Variants in CPNE2 observed in about 807,000 individuals in gnomAD.
CPNE2 encodes the protein copine-2.
Under a neutral mutation model 69.7 loss-of-function variants are expected in CPNE2, and 42 were observed. The ratio of observed to expected loss-of-function variants is 0.60; its 90% CI spans 0.47 to 0.78. The LOEUF (loss-of-function observed/expected upper bound fraction) is 0.78. Among genes scored for constraint, CPNE2 ranks in the 30% least tolerant of loss-of-function variants. CPNE2 has a pLI of 0.00. For synonymous variants in CPNE2, 294 were observed against 289.8 expected, an observed-to-expected ratio of 1.01 and a Z score of -0.15; for missense variants, 587 against 732.0, an observed-to-expected ratio of 0.80 and a Z score of 2.29.
At chr16:57,106,600 C>A (rs1000780344) in intron 1 of CPNE2, among the ~76,000 whole-genome samples, 2 of 152,138 alleles carry the variant, frequency 1.3e-5, no homozygotes, top group South Asian at 2.1e-4. Context: ...GTGCCTGACA[C>A]CCTCAGGATG....
chr16:57,138,265 A>G (rs2069897409), intron 14 of CPNE2, among the ~76,000 whole-genome samples: 1 of 152,014 alleles, frequency 6.6e-6, no homozygotes, highest in Non-Finnish European at 1.5e-5. Context: ...TCACTTCTAG[A>G]GTGTTCATTT....
rs776961809 is a variant in CPNE2 at position 57,121,730 on chromosome 16, C to T, written c.837C>T (p.Asn279=). 8 of 1,614,178 alleles carry T rather than the reference C, an allele frequency of 5.0e-6. No individual in the cohort carries two copies. The Admixed American group carries it at 1.3e-4, about 27-fold the overall frequency. Residue 279 remains asparagine (N), a synonymous_variant, in exon 9 of 16, where the codon AAC becomes AAT. Transcript: ENST00000290776. ...KKQRKKKNYK[N]SGIIILRSCK... Reference sequence around the variant, plus strand: ...AGAGGAAGAAGAAGAACTATAAAAACTCGGGCATCATCATCCTGCGATCCT... The same window carrying T: ...AGAGGAAGAAGAAGAACTATAAAAATTCGGGCATCATCATCCTGCGATCCT...
At chr16:57,114,725 A>G (rs2069705399) in intron 3 of CPNE2, among the ~76,000 whole-genome samples, 1 of 152,062 alleles carries the variant, frequency 6.6e-6, no homozygotes, top group Admixed American at 6.5e-5. Flanking sequence ...TGACTTTGCA[A>G]TGTGGCCCAC....
chr16:57,120,076 C>G (rs189907455), intron 7 of CPNE2, among the ~76,000 whole-genome samples: 77 of 151,996 alleles, frequency 5.1e-4, no homozygotes, highest in South Asian at 2.3e-3. Context: ...AGTTCAAGAC[C>G]AGCCTGGCCA....
intron 10 of CPNE2, 161 bp downstream of exon 10, chr16:57,123,634 G>A: frequency 2.8e-6 from 2 of 726,240 alleles, no homozygotes; most frequent in South Asian, 3.4e-5. Flanking sequence ...GGCATAAGTG[G>A]GCTGTCTGGT....
intron 10 of CPNE2, chr16:57,124,370 C>G: frequency 6.6e-6 from 3 of 456,440 alleles, no homozygotes; most frequent in South Asian, 4.7e-5. Context: ...GCATGAGTCA[C>G]TGGGCCTGGC....
At chr16:57,129,680 G>A (rs998546472) in intron 12 of CPNE2, among the ~76,000 whole-genome samples, 2 of 152,214 alleles carry the variant, frequency 1.3e-5, no homozygotes, top group Admixed American at 6.5e-5. Context: ...TTAGCCCAGC[G>A]TGGTGGCACA....
At chr16:57,129,876 G>A (rs1042814573) in intron 12 of CPNE2, among the ~76,000 whole-genome samples, 1 of 152,192 alleles carries the variant, frequency 6.6e-6, no homozygotes. Flanking sequence ...GAGACAGAGA[G>A]AGACCTGGCC....
At chr16:57,126,629 T>C (rs2069803295) in intron 11 of CPNE2, among the ~76,000 whole-genome samples, 1 of 152,154 alleles carries the variant, frequency 6.6e-6, no homozygotes, top group Non-Finnish European at 1.5e-5. Context: ...GAGGATGGAA[T>C]GACCAGGAGG....
chr16:57,120,418 G>A (rs965527360), intron 7 of CPNE2, among the ~76,000 whole-genome samples: 2 of 150,370 alleles, frequency 1.3e-5, no homozygotes, highest in South Asian at 2.1e-4. Flanking sequence ...ACCCTCTCAC[G>A]GTCTTTAGTA....
In CPNE2 at chr16:57,146,378, C is replaced by A. The variant is rs765132318; in HGVS notation, c.1539+57C>A. The stretch of plus-strand genomic sequence containing the variant: ...TTACAGGATCCCAGCCACCATAGCT[C>A]ATAATCAAGCTTGAGAGTCTTGGGG... On this transcript the variant is annotated intron_variant, in intron 15 of 15. Coordinates refer to ENST00000290776, the MANE Select transcript of CPNE2 (RefSeq NM_152727.6). The surrounding 1 kb of genome is among the most constrained non-coding windows in gnomAD (Gnocchi z 4.4). 7.2e-7 allele frequency: 1 copy of A among 1,394,020 alleles called. No individual in the cohort carries two copies. The highest frequency in any genetic ancestry group is 9.8e-7 in the Non-Finnish European group (1 of 1,020,574). 86.4% of individuals were successfully genotyped at this position (1,394,020 alleles called of 1,614,324 possible).
intron 11 of CPNE2, 42 bp from the exon 12 acceptor site, chr16:57,127,807 C>T (rs2069811243): frequency 1.2e-6 from 2 of 1,605,002 alleles, no homozygotes; most frequent in Non-Finnish European, 1.7e-6. Flanking sequence ...GGGTGGTGTC[C>T]TCAGGTGTCT....
At chr16:57,103,182 G>A (rs1365843257) in intron 1 of CPNE2, among the ~76,000 whole-genome samples, 2 of 152,144 alleles carry the variant, frequency 1.3e-5, no homozygotes, top group Non-Finnish European at 2.9e-5. Flanking sequence ...GAGCGCAGTG[G>A]CACAATCACA....
intron 11 of CPNE2, 104 bp downstream of exon 11, chr16:57,126,097 A>G: frequency 7.0e-7 from 1 of 1,423,582 alleles, no homozygotes; most frequent in South Asian, 1.3e-5. Context: ...AAATCTAGGA[A>G]TGGACAGCAA....
intron 3 of CPNE2, 75 bp downstream of exon 3, chr16:57,113,542 G>A: frequency 2.1e-6 from 3 of 1,453,230 alleles, no homozygotes; most frequent in Non-Finnish European, 1.9e-6. Context: ...TTCTCGTGCT[G>A]TCTTTCCCTA....
intron 1 of CPNE2, among the ~76,000 whole-genome samples, chr16:57,108,345 A>T (rs1386234221): frequency 6.6e-6 from 1 of 152,232 alleles, no homozygotes; most frequent in East Asian, 1.9e-4. Context: ...TTCAGGTGAC[A>T]TGCTCAATTA....
intron 8 of CPNE2, 38 bp from the exon 9 acceptor site, chr16:57,121,636 G>T: frequency 6.3e-7 from 1 of 1,592,990 alleles, no homozygotes; most frequent in Non-Finnish European, 8.6e-7. Context: ...TTCCAAAGAA[G>T]CCCCGAGGTG....
chr16:57,145,960 G>C, intron 14 of CPNE2, 125 bp from the exon 15 acceptor site: 1 of 770,296 alleles, frequency 1.3e-6, no homozygotes, highest in Non-Finnish European at 2.2e-6. Context: ...TCTGGGACTT[G>C]GCTGCAGCTG....
intron 2 of CPNE2, chr16:57,113,006 G>T: frequency 3.3e-6 from 1 of 300,280 alleles, no homozygotes; most frequent in Non-Finnish European, 6.2e-6. Flanking sequence ...ACCTGGGTAG[G>T]GAGCCAGGGC....
Sources: gnomAD v4.1 joint callset for allele counts (sites outside exome capture counted in the v4.1 genomes callset) on GRCh38, gnomAD v4.1.1 for gene constraint, Gnocchi (gnomAD v3.1) non-coding constraint, MANE v1.5 for transcripts, NCBI Gene and HGNC (gene_info 2026-07-23, HGNC 2026-07-21) for gene names.